The following ZBTB40 variants were observed in gnomAD, a reference collection of about 807,000 sequenced individuals.
ZBTB40 encodes the protein zinc finger and BTB domain-containing protein 40.
Under a neutral mutation model 117.5 loss-of-function variants are expected in ZBTB40, and 60 were observed. That is an observed-to-expected ratio of 0.51 (90% CI 0.41 to 0.63). The LOEUF is 0.63. Among genes scored for constraint, ZBTB40 ranks in the 30% least tolerant of loss-of-function variants. The probability of loss-of-function intolerance (pLI) is 0.00; values close to 1 mark genes in which losing one functional copy is unlikely to be tolerated. For synonymous variants in ZBTB40, 525 were observed against 577.1 expected (o/e 0.91, Z 1.29); for missense variants, 1,287 against 1,498.5 (o/e 0.86, Z 2.33).
rs1296815544 is a variant in ZBTB40, at chr1:22,511,757, A to G, written c.2084A>G (p.Asp695Gly). 6 of 1,608,982 alleles carry G rather than the reference A, an allele frequency of 3.7e-6. No individual in the cohort carries two copies. In the African/African-American group the frequency reaches 8.1e-5, roughly 22 times the overall value. Residue 695 changes from aspartate (D) to glycine (G), a missense_variant, in exon 11 of 18, where the codon GAT becomes GGT. Asp to Gly is a moderately conservative substitution (Grantham distance 94). Coordinates refer to ENST00000375647, the MANE Select transcript of ZBTB40 (RefSeq NM_014870.4). ...CACCTTGAAGCCAACAACAAAGAAG[A>G]TGAAAAGGCAGCCAAAGAAGACAGC... ...KFHLEANNKE[D>G]EKAAKEDSQP...
rs1320602 is a variant in ZBTB40, at chr1:22,454,992, A to G, written c.-70+2988A>G. ...TAAAAATAGAAGCCCTCTACTTTCT[A>G]TCTCCAGAAAGAGGGGAGCAGATCT... On this transcript the variant is annotated intron_variant, in intron 1 of 17. Coordinates refer to ENST00000375647, the MANE Select transcript of ZBTB40 (RefSeq NM_014870.4). 4.6e-3 allele frequency among the ~76,000 whole-genome samples: 696 copies of G among 152,364 alleles called. 7 individuals carry two copies. Among genetic ancestry groups the G allele is most frequent in the African/African-American group, 0.016 (655 of 41,588 alleles).
At chr1:22,493,136 G>A (rs141380876) in intron 3 of ZBTB40, among the ~76,000 whole-genome samples, 1 of 152,152 alleles carries the variant, frequency 6.6e-6, no homozygotes, top group East Asian at 1.9e-4. Context: ...ACATGCATTC[G>A]TTCAACATTT....
intron 1 of ZBTB40, among the ~76,000 whole-genome samples, 191 bp from the exon 2 acceptor site, chr1:22,489,689 T>A (rs184192734): frequency 1.1e-4 from 17 of 152,334 alleles, no homozygotes; most frequent in African/African-American, 4.1e-4. Flanking sequence ...GCACAGTCTC[T>A]TTCATATATT....
chr1:22,506,315 C>T, intron 6 of ZBTB40, 74 bp downstream of exon 6: 1 of 1,448,088 alleles, frequency 6.9e-7, no homozygotes, highest in Non-Finnish European at 9.7e-7. Context: ...ACCCTTTTGG[C>T]TCCATGCTGG....
At chr1:22,461,063 A>G (rs1226961448) in intron 1 of ZBTB40, among the ~76,000 whole-genome samples, 2 of 152,226 alleles carry the variant, frequency 1.3e-5, no homozygotes, top group East Asian at 1.9e-4. Context: ...TGTCGTGAAC[A>G]TAGTGGGAAC....
At chr1:22,437,129 A>T (rs149696917) in intron 1 of ZBTB40, among the ~76,000 whole-genome samples, 17 of 152,342 alleles carry the variant, frequency 1.1e-4, no homozygotes, top group African/African-American at 4.1e-4. Flanking sequence ...CAAACTAAAC[A>T]TCAACAACCC....
At chr1:22,472,456 G>T (rs1027434722) in intron 1 of ZBTB40, among the ~76,000 whole-genome samples, 20 of 152,182 alleles carry the variant, frequency 1.3e-4, no homozygotes, top group African/African-American at 4.8e-4. Flanking sequence ...AAAGTGTTGG[G>T]ATTACAGGCG....
In ZBTB40 at chr1:22,528,605, C is replaced by G. The variant is rs1233455826; in HGVS notation, c.*2209C>G. 3 of 152,226 alleles carry G rather than the reference C, an allele frequency of 2.0e-5. No homozygotes were observed. Among genetic ancestry groups the G allele is most frequent in the African/African-American group, 7.2e-5 (3 of 41,418 alleles). The allele number at this position is 152,226 out of a possible 1,614,324, so 9.4% of individuals were successfully genotyped here. On this transcript the variant is annotated 3_prime_UTR_variant, in exon 18 of 18. Transcript: ENST00000375647. ...GGAACACAGTGGCACGATCTTGGCT[C>G]ACTGCAACCTCTGCGGGCTCACGCA...
At chr1:22,454,795 C>G (rs1419943684) in intron 1 of ZBTB40, among the ~76,000 whole-genome samples, 3 of 152,212 alleles carry the variant, frequency 2.0e-5, no homozygotes, top group Non-Finnish European at 4.4e-5. Flanking sequence ...AAGGGTTGTG[C>G]AGATTAAATA....
rs771509933 is a variant in ZBTB40, at chr1:22,526,639, C to G, written c.*243C>G. The G allele has an allele frequency of 1.3e-5, 7 of 524,704 alleles. No homozygotes were observed. The East Asian group carries it at 2.5e-4, about 19-fold the overall frequency. The allele number at this position is 524,704 out of a possible 1,614,324, so 32.5% of individuals were successfully genotyped here. On this transcript the variant is annotated 3_prime_UTR_variant, in exon 18 of 18. Transcript: ENST00000375647. ...AGACAGGCCTCCCTCCCCACAGGCC[C>G]GCTGCTGCGGCCTCTATGACACTGT...
rs752997193 is a variant in ZBTB40, at chr1:22,511,397, G to A, written c.2002+50G>A. On this transcript the variant is annotated intron_variant, in intron 10 of 17. Coordinates refer to ENST00000375647, the MANE Select transcript of ZBTB40 (RefSeq NM_014870.4). ...GGGGTTCCTATCAGCACACCAGGTT[G>A]TTTCTTGAAGAAAGAGACAGCATTT... is the stretch of plus-strand genomic sequence containing the variant. 7 of 1,605,930 alleles carry A rather than the reference G, an allele frequency of 4.4e-6. No homozygotes were observed. The South Asian group carries it at 7.7e-5, about 18-fold the overall frequency.
chr1:22,476,344 G>A (rs572121834), intron 1 of ZBTB40, among the ~76,000 whole-genome samples: 1 of 151,866 alleles, frequency 6.6e-6, no homozygotes, highest in East Asian at 1.9e-4. Flanking sequence ...TCAGCCTCCC[G>A]AGTAGCTGAG....
intron 1 of ZBTB40, among the ~76,000 whole-genome samples, chr1:22,456,109 A>G (rs10917234): frequency 0.39 from 59,856 of 151,950 alleles, 14,630 homozygotes; most frequent in African/African-American, 0.66. Flanking sequence ...TTCCAAAGCC[A>G]TCATCTGGAT....
In ZBTB40 at chr1:22,501,629, A is replaced by T. The variant is rs1429283206; in HGVS notation, c.969A>T (p.Val323=). 6.2e-7 allele frequency: 1 copy of T among 1,614,150 alleles called. No homozygotes were observed. The highest frequency in any genetic ancestry group is 1.7e-5 in the Admixed American group (1 of 60,022). The change falls in exon 4 of 18, where the codon GTA becomes GTT. Residue 323 remains valine, a synonymous_variant. Coordinates refer to ENST00000375647, the MANE Select transcript of ZBTB40 (RefSeq NM_014870.4). ...LRLYQYSNPA[V]KTALLDRKPE... is the part of the protein sequence containing the mutation. Reference sequence around the variant, plus strand: ...TGTACCAATATTCTAATCCTGCAGTAAAAACAGCACTATTAGACAGGAAGC... The same window carrying T: ...TGTACCAATATTCTAATCCTGCAGTTAAAACAGCACTATTAGACAGGAAGC...
In ZBTB40 at chr1:22,529,883, T is replaced by A. The variant is rs140844338; in HGVS notation, c.*3487T>A. 1.1e-3 allele frequency: 166 copies of A among 152,062 alleles called. No individual in the cohort carries two copies. The highest frequency in any genetic ancestry group is 3.6e-3 in the African/African-American group (148 of 41,444). The allele number at this position is 152,062 out of a possible 1,614,324, so 9.4% of individuals were successfully genotyped here. A position where few individuals can be genotyped will look rare whatever the true frequency, so the allele number is the denominator to read the frequency against. On this transcript the variant is annotated 3_prime_UTR_variant, in exon 18 of 18. Coordinates refer to ENST00000375647, the MANE Select transcript of ZBTB40 (RefSeq NM_014870.4). ...AAAAGAAATCCAGTCAGACAGACAG[T>A]GGGGAGACAGGTCCCTGCCCTTTAT...
chr1:22,476,867 C>T (rs1199322046), intron 1 of ZBTB40, among the ~76,000 whole-genome samples: 1 of 152,096 alleles, frequency 6.6e-6, no homozygotes. Context: ...ATTTAGGTTC[C>T]CTCTATACCT....
At chr1:22,452,467 T>C (rs912335739) in intron 1 of ZBTB40, among the ~76,000 whole-genome samples, 1 of 152,244 alleles carries the variant, frequency 6.6e-6, no homozygotes, top group Non-Finnish European at 1.5e-5. Flanking sequence ...ATATTTCATG[T>C]AATTTGCGAA....
intron 1 of ZBTB40, among the ~76,000 whole-genome samples, chr1:22,438,328 TC>T (rs78546258): frequency 0.053 from 8,014 of 152,270 alleles, 636 homozygotes; most frequent in East Asian, 0.35. Flanking sequence ...TCAAGTTTCA[TC>T]CCCATTGTAG....
intron 3 of ZBTB40, among the ~76,000 whole-genome samples, chr1:22,499,156 G>A (rs990738855): frequency 5.3e-5 from 8 of 152,200 alleles, no homozygotes; most frequent in African/African-American, 1.9e-4. Context: ...GCTATTGGCA[G>A]GCTTCAGAAG....
Sources: allele counts gnomAD v4.1 joint callset (sites outside exome capture counted in the v4.1 genomes callset), GRCh38; gene constraint gnomAD v4.1.1; transcripts MANE v1.5; gene names NCBI Gene and HGNC (gene_info 2026-07-23, HGNC 2026-07-21).